The following NR2C1 variants were observed in gnomAD, a reference collection of about 807,000 sequenced individuals.
The protein encoded by NR2C1 is nuclear receptor subfamily 2 group C member 1.
In NR2C1, 33 loss-of-function variants were observed where a neutral mutation model predicts 74.8. The ratio of observed to expected loss-of-function variants is 0.44; its 90% CI spans 0.33 to 0.59. The LOEUF is 0.59. Ranked by LOEUF, NR2C1 falls within the 20% of genes least tolerant of loss-of-function variation. NR2C1 has a pLI of 0.02. For missense variants in NR2C1, 568 were observed against 715.6 expected, an observed-to-expected ratio of 0.79 and a Z score of 2.35; for synonymous variants, 225 against 240.6, an observed-to-expected ratio of 0.94 and a Z score of 0.60.
chr12:95,056,132 G>A (rs944244316), intron 7 of NR2C1, among the ~76,000 whole-genome samples: 7 of 151,874 alleles, frequency 4.6e-5, no homozygotes, highest in Admixed American at 3.3e-4. Context: ...CAGGCACAGT[G>A]TCACGTGCCT....
chr12:95,049,001 G>C, intron 9 of NR2C1, 67 bp downstream of exon 9: 1 of 1,396,918 alleles, frequency 7.2e-7, no homozygotes, highest in Non-Finnish European at 1.0e-6. Flanking sequence ...AACATACTTT[G>C]ATTTTTGAAA....
At chr12:95,058,259 A>G in intron 5 of NR2C1, 51 bp downstream of exon 5, 1 of 1,480,076 alleles carries the variant, frequency 6.8e-7, no homozygotes, top group South Asian at 1.3e-5. Flanking sequence ...ATACTCTTGT[A>G]GTTTGCTGGA....
intron 9 of NR2C1, among the ~76,000 whole-genome samples, chr12:95,046,337 G>A (rs1217826420): frequency 6.6e-6 from 1 of 152,204 alleles, no homozygotes; most frequent in Admixed American, 6.5e-5. Context: ...TGTAATCCCA[G>A]CACTTCGGGA....
At chr12:95,036,177 T>C (rs1189413943) in intron 10 of NR2C1, among the ~76,000 whole-genome samples, 1 of 151,856 alleles carries the variant, frequency 6.6e-6, no homozygotes, top group Non-Finnish European at 1.5e-5. Flanking sequence ...TTGTAGTTTA[T>C]GTTCAAAACA....
At chr12:95,059,244 G>A (rs1372207626) in intron 4 of NR2C1, among the ~76,000 whole-genome samples, 1 of 151,272 alleles carries the variant, frequency 6.6e-6, no homozygotes, top group African/African-American at 2.4e-5. Flanking sequence ...AGAGGTTGCA[G>A]TGAGCCGAGA....
intron 9 of NR2C1, among the ~76,000 whole-genome samples, chr12:95,047,463 A>AAATTAC (rs1198572047): frequency 4.4e-4 from 67 of 152,344 alleles, no homozygotes; most frequent in African/African-American, 1.5e-3. Context: ...TGACTACATC[A>AAATTAC]AATTACACTA....
At chr12:95,045,943 A>T (rs1872257567) in intron 9 of NR2C1, among the ~76,000 whole-genome samples, 1 of 152,038 alleles carries the variant, frequency 6.6e-6, no homozygotes, top group African/African-American at 2.4e-5. Context: ...GGGTTCAAGC[A>T]ATTCTTCTGC....
intron 11 of NR2C1, chr12:95,030,740 C>A: frequency 1.9e-6 from 3 of 1,606,994 alleles, no homozygotes; most frequent in East Asian, 4.5e-5. Context: ...TATTCCTGAG[C>A]TCAAAAGGCA....
intron 9 of NR2C1, among the ~76,000 whole-genome samples, chr12:95,043,689 C>CCAAAAAAAAA (rs575940640): frequency 3.2e-5 from 3 of 94,288 alleles, no homozygotes; most frequent in African/African-American, 1.2e-4. Context: ...GACTCTGTCT[C>CCAAAAAAAAA]AAAAAAAAAA....
rs764380280 is a variant in NR2C1 at position 95,057,740 on chromosome 12, T to C, written c.683A>G (p.Glu228Gly). 2 of 1,613,972 alleles carry C rather than the reference T, an allele frequency of 1.2e-6. No homozygotes were observed. Among genetic ancestry groups the C allele is most frequent in the Admixed American group, 1.7e-5 (1 of 59,974 alleles). The change falls in exon 6 of 14, where the codon GAA becomes GGA. Residue 228 changes from glutamate (E) to glycine (G), a missense_variant. Transcript: ENST00000333003. Reference sequence around the variant, plus strand: ...GTCTGTTTTACTTTACCTTGTACTTTCACTATCTGTTACAAAAGTTGGAGT... The same window carrying C: ...GTCTGTTTTACTTTACCTTGTACTTCCACTATCTGTTACAAAAGTTGGAGT... ...TATPTFVTDSESTRSTGLLDS... is the reference protein window; with the variant it reads ...TATPTFVTDSGSTRSTGLLDS...
chr12:95,032,397 G>C (rs1870240438), intron 10 of NR2C1, among the ~76,000 whole-genome samples: 1 of 150,956 alleles, frequency 6.6e-6, no homozygotes, highest in Non-Finnish European at 1.5e-5. Flanking sequence ...GGCAGAGCTT[G>C]CAGTGAGCAG....
chr12:95,035,197 G>A (rs1449458246), intron 10 of NR2C1, among the ~76,000 whole-genome samples: 1 of 152,152 alleles, frequency 6.6e-6, no homozygotes, highest in African/African-American at 2.4e-5. Context: ...ATATGTGTAT[G>A]TATTTAATTG....
At position 95,048,947 on chromosome 12, in the gene NR2C1, T is replaced by C. The variant is rs955633668; in HGVS notation, c.1131+121A>G. The C allele has an allele frequency of 7.4e-6, 7 of 941,090 alleles. 1 individual carries two copies. In the Admixed American group the frequency reaches 1.7e-4, roughly 22 times the overall value. 58.3% of individuals were successfully genotyped at this position (941,090 alleles called of 1,614,324 possible). On this transcript the variant is annotated intron_variant, in intron 9 of 13. Transcript: ENST00000333003. ...CCCAGATGAGTGTTTTAGCTGCTGTTCTGAAATTCTATCAGGGATATTTCT... is the reference window on the plus strand; with the variant it reads ...CCCAGATGAGTGTTTTAGCTGCTGTCCTGAAATTCTATCAGGGATATTTCT...
chr12:95,046,064 T>A (rs1027301910), intron 9 of NR2C1, among the ~76,000 whole-genome samples: 7 of 152,166 alleles, frequency 4.6e-5, no homozygotes, highest in Non-Finnish European at 1.0e-4. Context: ...GGTCTCGAAC[T>A]CCTGACCTCA....
At chr12:95,036,861 T>A (rs940282775) in intron 10 of NR2C1, among the ~76,000 whole-genome samples, 2 of 152,198 alleles carry the variant, frequency 1.3e-5, no homozygotes, top group African/African-American at 4.8e-5. Context: ...TATATAATTG[T>A]TTATACTATT....
intron 9 of NR2C1, among the ~76,000 whole-genome samples, chr12:95,046,136 G>A (rs937973013): frequency 1.3e-5 from 2 of 152,012 alleles, no homozygotes; most frequent in Non-Finnish European, 1.5e-5. Context: ...CACCACACCC[G>A]GCCAATAAAA....
At chr12:95,067,866 C>T (rs533130408) in intron 1 of NR2C1, among the ~76,000 whole-genome samples, 1 of 151,324 alleles carries the variant, frequency 6.6e-6, no homozygotes, top group East Asian at 1.9e-4. Flanking sequence ...CCATGCCCAC[C>T]CCTCCATGTA....
chr12:95,035,502 T>C (rs563775486), intron 10 of NR2C1, among the ~76,000 whole-genome samples: 193 of 152,266 alleles, frequency 1.3e-3, no homozygotes, highest in African/African-American at 4.5e-3. Context: ...ATGCATCTTG[T>C]AGTAAGAAAG....
chr12:95,073,146 GC>G, intron 1 of NR2C1: 1 of 153,322 alleles, frequency 6.5e-6, no homozygotes, highest in South Asian at 2.0e-4. Context: ...GCGTCCCGCC[GC>G]CCCTGTCGCC....
Sources: allele counts gnomAD v4.1 joint callset (sites outside exome capture counted in the v4.1 genomes callset), GRCh38; gene constraint gnomAD v4.1.1; transcripts MANE v1.5; gene names NCBI Gene and HGNC (gene_info 2026-07-23, HGNC 2026-07-21).